The following CDH12 variants were observed in gnomAD, a reference collection of about 807,000 sequenced individuals.
CDH12 encodes cadherin 12, also known as cadherin-12.
In CDH12, 41 loss-of-function variants were observed where a neutral mutation model predicts 74.1. The ratio of observed to expected loss-of-function variants is 0.55; its 90% CI spans 0.43 to 0.72. The LOEUF (loss-of-function observed/expected upper bound fraction) is 0.72. Ranked by LOEUF, CDH12 falls within the 30% of genes least tolerant of loss-of-function variation. The pLI is 0.00. For synonymous variants in CDH12, 399 were observed against 355.0 expected (o/e 1.12, Z -1.39); for missense variants, 945 against 977.2 (o/e 0.97, Z 0.44).
intron 6 of CDH12, among the ~76,000 whole-genome samples, chr5:21,957,669 T>C (rs567339195): frequency 2.1e-4 from 32 of 152,340 alleles, no homozygotes; most frequent in African/African-American, 7.0e-4. Context: ...TGATCAGTGA[T>C]ATTGAGTTTG....
At chr5:22,745,750 T>G (rs986715031) in intron 1 of CDH12, among the ~76,000 whole-genome samples, 2 of 152,004 alleles carry the variant, frequency 1.3e-5, no homozygotes, top group African/African-American at 4.8e-5. Flanking sequence ...ACGTATCCAC[T>G]GGGGCCTTTT....
At chr5:22,352,833 T>C (rs550933084) in intron 3 of CDH12, among the ~76,000 whole-genome samples, 34 of 152,278 alleles carry the variant, frequency 2.2e-4, no homozygotes, top group East Asian at 7.7e-4. Flanking sequence ...AGTTAGTCTA[T>C]CTAGCATAAG....
At chr5:22,504,691 T>C (rs1225932978) in intron 2 of CDH12, among the ~76,000 whole-genome samples, 1 of 152,060 alleles carries the variant, frequency 6.6e-6, no homozygotes, top group Non-Finnish European at 1.5e-5. Flanking sequence ...AGTGTTTAGA[T>C]TCCTACCATC....
At chr5:21,864,396 A>G (rs1228748360) in intron 6 of CDH12, among the ~76,000 whole-genome samples, 2 of 152,168 alleles carry the variant, frequency 1.3e-5, no homozygotes, top group Non-Finnish European at 2.9e-5. Flanking sequence ...AAATAGAACA[A>G]CAATAACAAA....
chr5:22,799,608 T>C (rs1025147640), intron 1 of CDH12, among the ~76,000 whole-genome samples: 1 of 152,192 alleles, frequency 6.6e-6, no homozygotes, highest in African/African-American at 2.4e-5. Flanking sequence ...AAAATACGTG[T>C]GCTCTTTAAT....
chr5:22,493,882 T>C (rs573051032), intron 2 of CDH12, among the ~76,000 whole-genome samples: 94 of 152,096 alleles, frequency 6.2e-4, no homozygotes, highest in African/African-American at 2.1e-3. Context: ...CAATAAACAA[T>C]GTGATGGGAT....
chr5:22,347,554 T>C (rs1248345198), intron 3 of CDH12, among the ~76,000 whole-genome samples: 1 of 152,172 alleles, frequency 6.6e-6, no homozygotes, highest in Non-Finnish European at 1.5e-5. Flanking sequence ...GCAGATGGCC[T>C]ATTGTGGGAC....
chr5:22,133,749 G>A (rs1746304546), intron 4 of CDH12, among the ~76,000 whole-genome samples: 3 of 152,022 alleles, frequency 2.0e-5, no homozygotes, highest in Admixed American at 2.0e-4. Flanking sequence ...ATAATTACGT[G>A]TACATATACA....
intron 6 of CDH12, among the ~76,000 whole-genome samples, chr5:21,862,735 C>G (rs952417137): frequency 6.6e-6 from 1 of 152,016 alleles, no homozygotes; most frequent in African/African-American, 2.4e-5. Flanking sequence ...GCTAGGAAGA[C>G]AGAAAATAGA....
chr5:22,402,285 A>C (rs1742760059), intron 3 of CDH12, among the ~76,000 whole-genome samples: 1 of 152,236 alleles, frequency 6.6e-6, no homozygotes, highest in Admixed American at 6.5e-5. Context: ...AGAACACTGT[A>C]GAGAATGCTT....
intron 3 of CDH12, among the ~76,000 whole-genome samples, chr5:22,239,213 A>C (rs1284807222): frequency 6.6e-6 from 1 of 152,220 alleles, no homozygotes. Context: ...TCTCTGTTTC[A>C]GAAGCATTGA....
intron 3 of CDH12, among the ~76,000 whole-genome samples, chr5:22,237,247 A>G (rs1752590352): frequency 6.6e-6 from 1 of 152,046 alleles, no homozygotes; most frequent in African/African-American, 2.4e-5. Flanking sequence ...ATTAACTGCA[A>G]TGTTGTTATG....
At chr5:22,033,546 G>T (rs1738971941) in intron 5 of CDH12, among the ~76,000 whole-genome samples, 1 of 152,154 alleles carries the variant, frequency 6.6e-6, no homozygotes, top group Admixed American at 6.5e-5. Flanking sequence ...ATTTGAATCT[G>T]CCCTGAATGG....
chr5:22,788,668 T>C (rs1403730709), intron 1 of CDH12, among the ~76,000 whole-genome samples: 2 of 148,214 alleles, frequency 1.3e-5, no homozygotes, highest in African/African-American at 4.9e-5. Flanking sequence ...ATTTATAATA[T>C]AAAATATGAT....
intron 1 of CDH12, among the ~76,000 whole-genome samples, chr5:22,589,762 G>C (rs1449498443): frequency 6.6e-6 from 1 of 152,110 alleles, no homozygotes; most frequent in Non-Finnish European, 1.5e-5. Flanking sequence ...GTGGTTCTCA[G>C]TTCTTTTTTC....
intron 3 of CDH12, among the ~76,000 whole-genome samples, chr5:22,335,401 T>A (rs572519045): frequency 6.6e-6 from 1 of 152,020 alleles, no homozygotes; most frequent in Non-Finnish European, 1.5e-5. Context: ...CTGGCTAAGA[T>A]TGTGAAACAC....
intron 5 of CDH12, among the ~76,000 whole-genome samples, chr5:22,024,156 A>G (rs1328174016): frequency 6.6e-6 from 1 of 152,194 alleles, no homozygotes; most frequent in East Asian, 1.9e-4. Flanking sequence ...GTATGTTACT[A>G]TCTTTAAAAC....
At position 22,837,095 on chromosome 5, in the gene CDH12, A is replaced by G. The variant is rs138839763; in HGVS notation, c.-523+15963T>C. ...ATGAAAGAAAGACACAAAAAATAAT[A>G]TAATCTTGGGACATCAAATTCACTA... is the stretch of plus-strand genomic sequence containing the variant. On this transcript the variant is annotated intron_variant, in intron 1 of 14. Transcript: ENST00000382254. 3.9e-5 allele frequency among the ~76,000 whole-genome samples: 6 copies of G among 152,170 alleles called. No homozygotes were observed. The South Asian group carries it at 8.3e-4, about 21-fold the overall frequency.
intron 11 of CDH12, among the ~76,000 whole-genome samples, chr5:21,779,777 G>T (rs1579686672): frequency 6.6e-6 from 1 of 152,272 alleles, no homozygotes; most frequent in South Asian, 2.1e-4. Flanking sequence ...TCACGGTGAT[G>T]ATATTCCCTG....
Sources: gnomAD v4.1 joint callset for allele counts (sites outside exome capture counted in the v4.1 genomes callset) on GRCh38, gnomAD v4.1.1 for gene constraint, MANE v1.5 for transcripts, NCBI Gene and HGNC (gene_info 2026-07-23, HGNC 2026-07-21) for gene names.